Variants in SPTB observed in about 807,000 individuals in gnomAD.
SPTB encodes the protein spectrin beta chain, erythrocytic.
SPTB carries 45 observed loss-of-function variants against 256.2 expected under a neutral mutation model. That is an observed-to-expected ratio of 0.18 (90% CI 0.14 to 0.23). The LOEUF (loss-of-function observed/expected upper bound fraction) is 0.23, where lower values mean the gene tolerates loss of function less well. SPTB is among the 10% of genes least tolerant of loss of function. The pLI is 1.00. For synonymous variants in SPTB, 1,231 were observed against 1,243.1 expected, an observed-to-expected ratio of 0.99 and a Z score of 0.21; for missense variants, 2,715 against 3,040.4, an observed-to-expected ratio of 0.89 and a Z score of 2.52.
intron 1 of SPTB, among the ~76,000 whole-genome samples, chr14:64,851,812 A>G (rs1282362839): frequency 6.6e-6 from 1 of 151,054 alleles, no homozygotes; most frequent in Non-Finnish European, 1.5e-5. Context: ...GAGCTGAACA[A>G]TGAGAATATA....
At chr14:64,843,208 T>C (rs914157254) in intron 1 of SPTB, among the ~76,000 whole-genome samples, 7 of 151,840 alleles carry the variant, frequency 4.6e-5, no homozygotes, top group African/African-American at 1.7e-4. Flanking sequence ...GACAGGTTTC[T>C]GATGAAAACA....
chr14:64,794,919 ATG>A (rs745981487), intron 12 of SPTB, among the ~76,000 whole-genome samples: 1 of 152,222 alleles, frequency 6.6e-6, no homozygotes, highest in Non-Finnish European at 1.5e-5. Flanking sequence ...GGGCAGTCTG[ATG>A]TGTGTCCTCA....
chr14:64,871,130 T>TA (rs1882507353), intron 1 of SPTB, among the ~76,000 whole-genome samples: 1 of 152,184 alleles, frequency 6.6e-6, no homozygotes, highest in African/African-American at 2.4e-5. Flanking sequence ...AGAAAGTTAA[T>TA]AAAAGAATTT....
At position 64,844,507 on chromosome 14, in the gene SPTB, G is replaced by A. The variant is rs183389746; in HGVS notation, c.-51-21362C>T. On this transcript the variant is annotated intron_variant, in intron 1 of 35. Transcript: ENST00000644917. This position sits in a 1 kb window ranked among gnomAD's most constrained non-coding sequence, Gnocchi z 4.1. ...TTCACTTCTCCATTTTATAAATGAA[G>A]AAACTGAAGCTCACAGAAGTTAAGC... Among the ~76,000 whole-genome samples the A allele has an allele frequency of 3.8e-3, 581 of 152,322 alleles. 2 individuals are homozygous for A. The highest frequency in any genetic ancestry group is 6.5e-3 in the Non-Finnish European group (445 of 68,028).
At chr14:64,769,457 G>C in intron 28 of SPTB, 133 bp downstream of exon 28, 1 of 1,270,870 alleles carries the variant, frequency 7.9e-7, no homozygotes, top group Middle Eastern at 2.6e-4. Context: ...GTGTAGCCCC[G>C]ATCTCCATGA....
intron 1 of SPTB, among the ~76,000 whole-genome samples, chr14:64,860,886 A>G (rs1268906415): frequency 1.3e-5 from 2 of 152,232 alleles, no homozygotes; most frequent in Non-Finnish European, 2.9e-5. Flanking sequence ...CTATAGGAAT[A>G]TAAATCATTC....
Position 64,749,362 on chromosome 14 carries a change from T to A in SPTB, c.6931A>T (p.Ser2311Cys). 6.2e-7 allele frequency: 1 copy of A among 1,610,708 alleles called. No individual in the cohort carries two copies. Among genetic ancestry groups the A allele is most frequent in the Non-Finnish European group, 8.5e-7 (1 of 1,179,678 alleles). ...PLPSLSGPDA[S>C]LGKKDKEKRF... ...TTCTCCTTGTCTTTCTTGCCGAGGC[T>A]GGCGTCGGGGCCGGAGAGGGAAGGC... is the stretch of plus-strand genomic sequence containing the variant. The change falls in exon 36 of 36, where the codon AGC becomes TGC. Residue 2311 changes from serine (S) to cysteine (C), a missense_variant. Physicochemically the swap from Ser to Cys is moderately radical, Grantham distance 112 (BLOSUM62 -1). Around this residue, in one of 4 missense-constraint regions of SPTB, gnomAD observed 2,239 missense variants for 2,384.4 expected, o/e 0.94. Transcript: ENST00000644917. The surrounding 1 kb of genome is among the most constrained non-coding windows in gnomAD (Gnocchi z 4.7).
In SPTB at chr14:64,785,673, G is replaced by C. The variant is rs754186479; in HGVS notation, c.3765-46C>G. ...ACAGTCACAATAGTGCCGAGCTTGG[G>C]GTCCTCACCAAGCTTGGGGTCCTCA... On this transcript the variant is annotated intron_variant, in intron 17 of 35. Transcript: ENST00000644917. The surrounding 1 kb of genome is among the most constrained non-coding windows in gnomAD (Gnocchi z 4.4). 6.2e-7 allele frequency: 1 copy of C among 1,611,740 alleles called. No individual in the cohort carries two copies. The highest frequency in any genetic ancestry group is 1.1e-5 in the South Asian group (1 of 91,016).
rs904641863 is a variant in SPTB, at chr14:64,759,509, C to T, written c.6346-5716G>A. Among the ~76,000 whole-genome samples, 3 of 152,204 alleles carry T rather than the reference C, an allele frequency of 2.0e-5. No individual in the cohort carries two copies. Among genetic ancestry groups the T allele is most frequent in the Admixed American group, 1.3e-4 (2 of 15,278 alleles). ...AGAGGGGATGAGGGGAGGCTGCCCC[C>T]CTGTAAGCAGGCCATGGTCTGAGGT... is the stretch of plus-strand genomic sequence containing the variant. On this transcript the variant is annotated intron_variant, in intron 32 of 35. Coordinates refer to ENST00000644917, the MANE Select transcript of SPTB (RefSeq NM_001355436.2). This position sits in a 1 kb window ranked among gnomAD's most constrained non-coding sequence, Gnocchi z 4.8.
chr14:64,766,848 C>T, intron 31 of SPTB, 47 bp from the exon 32 acceptor site: 3 of 1,602,880 alleles, frequency 1.9e-6, no homozygotes, highest in Non-Finnish European at 2.5e-6. Flanking sequence ...CCCTCTGAGG[C>T]CAGTGCCTCC....
intron 22 of SPTB, among the ~76,000 whole-genome samples, chr14:64,776,945 G>C (rs1464032907): frequency 4.6e-5 from 7 of 152,206 alleles, no homozygotes; most frequent in Non-Finnish European, 8.8e-5. Flanking sequence ...TTACAACCTG[G>C]TAGAGGAAAT....
At chr14:64,813,610 C>T (rs1313619568) in intron 2 of SPTB, among the ~76,000 whole-genome samples, 1 of 152,194 alleles carries the variant, frequency 6.6e-6, no homozygotes, top group African/African-American at 2.4e-5. Flanking sequence ...CAACCTCTGC[C>T]TCCTGGGTTC....
chr14:64,868,698 T>C (rs1362339840), intron 1 of SPTB, among the ~76,000 whole-genome samples: 1 of 152,144 alleles, frequency 6.6e-6, no homozygotes, highest in Admixed American at 6.6e-5. Flanking sequence ...AGAGGTTCAA[T>C]GGGAGACTGG....
intron 2 of SPTB, among the ~76,000 whole-genome samples, chr14:64,820,870 G>C (rs1227354280): frequency 6.6e-6 from 1 of 151,964 alleles, no homozygotes; most frequent in Non-Finnish European, 1.5e-5. Flanking sequence ...TAGAGATGGA[G>C]TTTCGCCCTC....
chr14:64,833,731 A>T (rs1256772558), intron 1 of SPTB, among the ~76,000 whole-genome samples: 1 of 152,186 alleles, frequency 6.6e-6, no homozygotes, highest in Non-Finnish European at 1.5e-5. Flanking sequence ...ACCTGAGGTC[A>T]GGGACCATCC....
intron 32 of SPTB, 136 bp from the exon 33 acceptor site, chr14:64,753,929 G>T: frequency 8.6e-7 from 1 of 1,164,752 alleles, no homozygotes; most frequent in Non-Finnish European, 1.2e-6. Context: ...CCACCTCCTG[G>T]CCCACCCTGG....
In SPTB at chr14:64,746,285, G is replaced by C. The variant is rs2081834918; in HGVS notation, c.*3021C>G. On this transcript the variant is annotated 3_prime_UTR_variant, in exon 36 of 36. Transcript: ENST00000644917. This position sits in a 1 kb window ranked among gnomAD's most constrained non-coding sequence, Gnocchi z 4.9. ...TAAATAAGAAACTGAGAGAAACATGGAGCATTATTGATTTATTAGAAAAAC... is the reference window on the plus strand; with the variant it reads ...TAAATAAGAAACTGAGAGAAACATGCAGCATTATTGATTTATTAGAAAAAC... 1 of 152,472 alleles carries C rather than the reference G, an allele frequency of 6.6e-6. No homozygotes were observed. The highest frequency in any genetic ancestry group is 2.1e-4 in the South Asian group (1 of 4,828). The allele number at this position is 152,472 out of a possible 1,614,324, so 9.4% of individuals were successfully genotyped here.
At chr14:64,789,305 T>C (rs971252790) in intron 15 of SPTB, among the ~76,000 whole-genome samples, 2 of 152,152 alleles carry the variant, frequency 1.3e-5, no homozygotes, top group Non-Finnish European at 2.9e-5. Context: ...TGAGCCAAAA[T>C]TGTACCACTG....
intron 33 of SPTB, among the ~76,000 whole-genome samples, chr14:64,751,927 C>CAAAAAAAAAGAAAAAA (rs2081955896): frequency 1.4e-5 from 1 of 71,940 alleles, no homozygotes; most frequent in African/African-American, 5.7e-5. Flanking sequence ...ACTAAAAATG[C>CAAAAAAAAAGAAAAAA]AAAAAAAAAA....
Sources: gnomAD v4.1 joint callset for allele counts (sites outside exome capture counted in the v4.1 genomes callset) on GRCh38, gnomAD v4.1.1 for gene constraint, gnomAD v4.1.1 regional missense constraint, Gnocchi (gnomAD v3.1) non-coding constraint, MANE v1.5 for transcripts, NCBI Gene and HGNC (gene_info 2026-07-23, HGNC 2026-07-21) for gene names.